Variants in ZEB2 observed in about 807,000 individuals in gnomAD.
The protein encoded by ZEB2 is zinc finger E-box binding homeobox 2, also known as zinc finger E-box-binding homeobox 2.
In ZEB2, 6 loss-of-function variants were observed where a neutral mutation model predicts 99.9. The ratio of observed to expected loss-of-function variants is 0.06; its 90% CI spans 0.03 to 0.12. The LOEUF (loss-of-function observed/expected upper bound fraction) is 0.12, where lower values mean the gene tolerates loss of function less well. Ranked by LOEUF, ZEB2 falls within the 10% of genes least tolerant of loss-of-function variation. ZEB2 has a pLI of 1.00. For missense variants in ZEB2, 969 were observed against 1,502.8 expected, an observed-to-expected ratio of 0.64 and a Z score of 5.87; for synonymous variants, 517 against 542.5, an observed-to-expected ratio of 0.95 and a Z score of 0.65.
At chr2:144,517,835 AC>A in intron 1 of ZEB2, 9 of 456,360 alleles carry the variant, frequency 2.0e-5, no homozygotes, top group Middle Eastern at 5.3e-4. Flanking sequence ...TCATCCCCCC[AC>A]CCCCCAATTC....
intron 2 of ZEB2, among the ~76,000 whole-genome samples, chr2:144,436,871 C>A (rs1703846208): frequency 6.6e-6 from 1 of 152,184 alleles, no homozygotes; most frequent in African/African-American, 2.4e-5. Flanking sequence ...ACAGTAAATT[C>A]ACTTTCTTTC....
intron 4 of ZEB2, 85 bp downstream of exon 4, chr2:144,424,711 G>T: frequency 6.8e-7 from 1 of 1,461,410 alleles, no homozygotes; most frequent in Non-Finnish European, 9.6e-7. Flanking sequence ...AGATACAAAT[G>T]GATGTGTCAC....
chr2:144,467,046 G>A (rs548584571), intron 2 of ZEB2, among the ~76,000 whole-genome samples: 1 of 152,016 alleles, frequency 6.6e-6, no homozygotes, highest in Non-Finnish European at 1.5e-5. Context: ...ACTGACATAA[G>A]GAATGGTTTA....
chr2:144,404,249 G>T, intron 5 of ZEB2, 119 bp from the exon 6 acceptor site: 2 of 1,151,968 alleles, frequency 1.7e-6, no homozygotes, highest in Non-Finnish European at 2.5e-6. Context: ...GCTCCACAGA[G>T]TGCCATCATT....
At chr2:144,503,202 A>G (rs150585440) in intron 2 of ZEB2, among the ~76,000 whole-genome samples, 1 of 152,350 alleles carries the variant, frequency 6.6e-6, no homozygotes, top group East Asian at 1.9e-4. Context: ...TGGATGAGCA[A>G]ATGGACCCTA....
chr2:144,511,425 G>C (rs1165313228), intron 2 of ZEB2: 2 of 1,238,478 alleles, frequency 1.6e-6, no homozygotes, highest in Admixed American at 6.1e-5. Context: ...GTAACTACTA[G>C]TTACACTTTT....
At chr2:144,431,598 C>A (rs1009957101) in intron 2 of ZEB2, among the ~76,000 whole-genome samples, 7 of 151,866 alleles carry the variant, frequency 4.6e-5, no homozygotes, top group Non-Finnish European at 1.0e-4. Context: ...ACGGGGGAAA[C>A]AAAACCTTTT....
At chr2:144,459,031 T>C (rs1032514333) in intron 2 of ZEB2, among the ~76,000 whole-genome samples, 2 of 152,142 alleles carry the variant, frequency 1.3e-5, no homozygotes, top group Admixed American at 6.6e-5. Flanking sequence ...AATGAACACA[T>C]AGAAAATAAC....
chr2:144,428,641 G>T (rs1405126867), intron 3 of ZEB2: 1 of 152,060 alleles, frequency 6.6e-6, no homozygotes, highest in Non-Finnish European at 1.5e-5. Flanking sequence ...TACTCAAATT[G>T]CCATCAGTCT....
chr2:144,497,369 A>G (rs1704776757), intron 2 of ZEB2, among the ~76,000 whole-genome samples: 1 of 152,068 alleles, frequency 6.6e-6, no homozygotes. Flanking sequence ...TGATCCACAG[A>G]CCTCAGCCAG....
At chr2:144,431,377 A>G (rs1388441515) in intron 2 of ZEB2, among the ~76,000 whole-genome samples, 2 of 152,170 alleles carry the variant, frequency 1.3e-5, no homozygotes, top group South Asian at 4.1e-4. Context: ...GGAGTAAAAA[A>G]GGAACAAAAA....
chr2:144,467,569 C>T (rs186437219), intron 2 of ZEB2, among the ~76,000 whole-genome samples: 1 of 152,182 alleles, frequency 6.6e-6, no homozygotes, highest in Admixed American at 6.5e-5. Flanking sequence ...TAATGAATTC[C>T]AGGGAAAGAA....
At chr2:144,515,201 CA>C (rs35140204) in intron 2 of ZEB2, among the ~76,000 whole-genome samples, 126 of 143,872 alleles carry the variant, frequency 8.8e-4, no homozygotes, top group South Asian at 1.3e-3. Context: ...CTTTTTCTCT[CA>C]AAAAAAAAAA....
chr2:144,502,307 T>C (rs1417968107), intron 2 of ZEB2, among the ~76,000 whole-genome samples: 1 of 152,106 alleles, frequency 6.6e-6, no homozygotes, highest in Non-Finnish European at 1.5e-5. Context: ...CTTTACATAA[T>C]GAAAAAGGAG....
intron 2 of ZEB2, among the ~76,000 whole-genome samples, chr2:144,480,175 G>A (rs1349344469): frequency 6.6e-6 from 1 of 152,096 alleles, no homozygotes; most frequent in African/African-American, 2.4e-5. Flanking sequence ...GCTTGGGAGT[G>A]ATATTATGGC....
chr2:144,517,205 C>G, intron 2 of ZEB2, 73 bp downstream of exon 2: 1 of 1,597,418 alleles, frequency 6.3e-7, no homozygotes, highest in Non-Finnish European at 8.6e-7. Flanking sequence ...TTCCTTTTCC[C>G]TTTCCCCCTC....
At chr2:144,453,849 G>A (rs1257929719) in intron 2 of ZEB2, among the ~76,000 whole-genome samples, 2 of 152,166 alleles carry the variant, frequency 1.3e-5, no homozygotes, top group Non-Finnish European at 2.9e-5. Context: ...TAATGAGAGA[G>A]AGGTCCAAAG....
At chr2:144,508,922 T>C (rs1704990105) in intron 2 of ZEB2, among the ~76,000 whole-genome samples, 2 of 152,192 alleles carry the variant, frequency 1.3e-5, no homozygotes, top group Admixed American at 1.3e-4. Context: ...TTTCTAAAGA[T>C]ATTTCCTGGA....
intron 2 of ZEB2, among the ~76,000 whole-genome samples, chr2:144,476,781 T>G (rs1399232363): frequency 6.6e-6 from 1 of 152,170 alleles, no homozygotes; most frequent in East Asian, 1.9e-4. Flanking sequence ...AAATAAACAT[T>G]CCTTACTATG....
Sources: gnomAD v4.1 joint callset for allele counts (sites outside exome capture counted in the v4.1 genomes callset) on GRCh38, gnomAD v4.1.1 for gene constraint, MANE v1.5 for transcripts, NCBI Gene and HGNC (gene_info 2026-07-23, HGNC 2026-07-21) for gene names.